ERCC4: variants seen among roughly 807,000 people sequenced by gnomAD.
ERCC4 encodes the protein ERCC excision repair 4, endonuclease catalytic subunit.
A neutral mutation model predicts 76.9 loss-of-function variants in ERCC4; 65 were observed. That is an observed-to-expected ratio of 0.84 (90% confidence interval 0.69 to 1.04). The LOEUF is 1.04. Among genes scored for constraint, ERCC4 ranks in the 50% least tolerant of loss-of-function variants. The probability of loss-of-function intolerance (pLI) is 0.00; values close to 1 mark genes in which losing one functional copy is unlikely to be tolerated. For synonymous variants in ERCC4, 463 were observed against 410.1 expected, an observed-to-expected ratio of 1.13 and a Z score of -1.56; for missense variants, 1,214 against 1,128.2, an observed-to-expected ratio of 1.08 and a Z score of -1.09.
In ERCC4 at chr16:13,947,892, C is replaced by G; in HGVS notation, c.2296C>G (p.Pro766Ala). 1.2e-6 allele frequency: 2 copies of G among 1,614,126 alleles called. No homozygotes were observed. Among genetic ancestry groups the G allele is most frequent in the Non-Finnish European group, 1.7e-6 (2 of 1,180,022 alleles). The change falls in exon 11 of 11, where the codon CCT (proline) becomes GCT (alanine). Residue 766 changes from proline (P) to alanine (A), a missense_variant. Transcript: ENST00000311895. ...TCTGATTGAGTTTGACCCTAGCAAG[C>G]CTTTCTCTCTCACTTCCCGAGGTGC... Reference protein sequence around the residue: ...VLLIEFDPSKPFSLTSRGALF... With the variant: ...VLLIEFDPSKAFSLTSRGALF...
At chr16:13,938,520 A>G (rs1338088090) in intron 9 of ERCC4, among the ~76,000 whole-genome samples, 1 of 152,204 alleles carries the variant, frequency 6.6e-6, no homozygotes. Context: ...CCTACCAGGG[A>G]TATTGTCAAG....
At position 13,920,247 on chromosome 16, in the gene ERCC4, G is replaced by C. The variant is rs1188439403; in HGVS notation, c.82G>C (p.Asp28His). Reference sequence around the variant, plus strand: ...GCGACAGCTGGTGCTGGAACTGCTCGACACTGACGGGCTAGTAGTGTGCGC... The same window carrying C: ...GCGACAGCTGGTGCTGGAACTGCTCCACACTGACGGGCTAGTAGTGTGCGC... ...YERQLVLELLDTDGLVVCARG... is the reference protein window; with the variant it reads ...YERQLVLELLHTDGLVVCARG... The change falls in exon 1 of 11, where the codon GAC becomes CAC. Residue 28 changes from aspartate (D) to histidine (H), a missense_variant. Asp to His is a moderately conservative substitution (Grantham distance 81). Coordinates refer to ENST00000311895, the MANE Select transcript of ERCC4 (RefSeq NM_005236.3). 5 of 1,607,690 alleles carry C rather than the reference G, an allele frequency of 3.1e-6. No individual in the cohort carries two copies. The highest frequency in any genetic ancestry group is 2.2e-5 in the East Asian group (1 of 44,884).
At chr16:13,937,036 A>G (rs1365506446) in intron 8 of ERCC4, among the ~76,000 whole-genome samples, 1 of 150,738 alleles carries the variant, frequency 6.6e-6, no homozygotes, top group Non-Finnish European at 1.5e-5. Context: ...ATTCTCCCAC[A>G]TCAGCCCCAA....
intron 8 of ERCC4, among the ~76,000 whole-genome samples, chr16:13,936,628 TACTC>T (rs1488617782): frequency 6.6e-6 from 1 of 152,264 alleles, no homozygotes; most frequent in African/African-American, 2.4e-5. Context: ...TTCAACCACT[TACTC>T]TATCAACGGG....
chr16:13,937,264 G>A (rs1193993584), intron 8 of ERCC4, among the ~76,000 whole-genome samples: 1 of 151,954 alleles, frequency 6.6e-6, no homozygotes, highest in African/African-American at 2.4e-5. Flanking sequence ...TATTCTTTGA[G>A]ATGCCTGATG....
intron 2 of ERCC4, among the ~76,000 whole-genome samples, chr16:13,924,146 C>T (rs893501426): frequency 2.0e-5 from 3 of 152,118 alleles, no homozygotes; most frequent in African/African-American, 7.2e-5. Flanking sequence ...CTGGGATCAT[C>T]CCCCAGGACT....
chr16:13,926,419 TTTATCTC>T, intron 2 of ERCC4, 135 bp from the exon 3 acceptor site: 1 of 741,896 alleles, frequency 1.3e-6, no homozygotes, highest in Non-Finnish European at 2.4e-6. Flanking sequence ...AGGACAGGGA[TTTATCTC>T]TGTTCTGTGC....
chr16:13,935,306 T>G lies in ERCC4; in HGVS notation c.1374T>G (p.Ser458Arg). The G allele has an allele frequency of 6.2e-7, 1 of 1,613,890 alleles. No homozygotes were observed. Among genetic ancestry groups the G allele is most frequent in the South Asian group, 1.1e-5 (1 of 91,072 alleles). The change falls in exon 8 of 11, where the codon AGT becomes AGG. Residue 458 changes from serine to arginine, a missense_variant. Ser to Arg is a moderately radical substitution (Grantham distance 110). Coordinates refer to ENST00000311895, the MANE Select transcript of ERCC4 (RefSeq NM_005236.3). ...EVWMKFRKED[S>R]SKRIRKSHKR... Reference sequence around the variant, plus strand: ...GGATGAAATTTAGGAAGGAAGACAGTTCAAAGAGAATTAGGAAATCTCACA... The same window carrying G: ...GGATGAAATTTAGGAAGGAAGACAGGTCAAAGAGAATTAGGAAATCTCACA...
chr16:13,934,120 T>C (rs559182465), intron 6 of ERCC4, 72 bp from the exon 7 acceptor site: 4 of 978,384 alleles, frequency 4.1e-6, no homozygotes, highest in Non-Finnish European at 6.4e-6. Flanking sequence ...TTATCTGTTG[T>C]TTTAAAAGCC....
chr16:13,922,434 T>C, intron 2 of ERCC4: 1 of 760,014 alleles, frequency 1.3e-6, no homozygotes, highest in Admixed American at 1.7e-5. Flanking sequence ...TCCTGACTAC[T>C]TTGTTGTGAA....
In ERCC4 at chr16:13,947,718, C is replaced by T. The variant is rs753161715; in HGVS notation, c.2122C>T (p.Pro708Ser). 1.2e-6 allele frequency: 2 copies of T among 1,614,236 alleles called. No individual in the cohort carries two copies. The highest frequency in any genetic ancestry group is 4.5e-5 in the East Asian group (2 of 44,882). Residue 708 changes from proline to serine, a missense_variant, in exon 11 of 11, where the codon CCC becomes TCC. Transcript: ENST00000311895. ...LIHRRGIDIE[P>S]VTLEVGDYIL... is the part of the protein sequence containing the mutation. ...CCATCGTCGGGGCATTGACATTGAA[C>T]CCGTGACTTTAGAGGTTGGAGATTA...
Position 13,926,630 on chromosome 16 carries a change from G to C in ERCC4, c.458G>C (p.Arg153Pro), listed in dbSNP as rs121913050. 1.2e-6 allele frequency: 2 copies of C among 1,613,896 alleles called. No homozygotes were observed. Among genetic ancestry groups the C allele is most frequent in the East Asian group, 2.2e-5 (1 of 44,878 alleles). ...GAAGCATTCATCTTGCGCCTCTTTCGCCAGAAAAACAAACGTGGTTTTATT... is the reference window on the plus strand; with the variant it reads ...GAAGCATTCATCTTGCGCCTCTTTCCCCAGAAAAACAAACGTGGTTTTATT... ...CQEAFILRLF[R>P]QKNKRGFIKA... The change falls in exon 3 of 11, where the codon CGC becomes CCC. Residue 153 changes from arginine (R) to proline (P), a missense_variant. By Grantham distance (103) the Arg-to-Pro change is moderately radical (BLOSUM62 -2). Transcript: ENST00000311895.
chr16:13,947,698 G>T lies in ERCC4; in HGVS notation c.2102G>T (p.Arg701Leu). 4 of 1,614,196 alleles carry T rather than the reference G, an allele frequency of 2.5e-6. No individual in the cohort carries two copies. The highest frequency in any genetic ancestry group is 3.4e-6 in the Non-Finnish European group (4 of 1,180,038). ...FRSELPSLIH[R>L]RGIDIEPVTL... ...AGTGAGCTTCCATCTCTGATCCATC[G>T]TCGGGGCATTGACATTGAACCCGTG... The change falls in exon 11 of 11, where the codon CGT becomes CTT. Residue 701 changes from arginine (R) to leucine (L), a missense_variant. Coordinates refer to ENST00000311895, the MANE Select transcript of ERCC4 (RefSeq NM_005236.3).
At chr16:13,929,704 G>A (rs3136106) in intron 4 of ERCC4, among the ~76,000 whole-genome samples, 2,295 of 152,280 alleles carry the variant, frequency 0.015, 34 homozygotes, top group Non-Finnish European at 0.019. Context: ...GGTGGCTCAC[G>A]CCTGTAATCC....
chr16:13,926,444 T>C, intron 2 of ERCC4, 117 bp from the exon 3 acceptor site: 1 of 858,542 alleles, frequency 1.2e-6, no homozygotes, highest in South Asian at 1.3e-5. Flanking sequence ...TGCGTGGCTA[T>C]ATGCCCAGTC....
chr16:13,929,460 C>T lies in ERCC4; in HGVS notation c.792+1225C>T, dbSNP rs1050901217. ...CAGTCATCCAGATACTTCTCCTGCT[C>T]ATTATTAAATTTGTTAGATAAGATT... On this transcript the variant is annotated intron_variant, in intron 4 of 10. Transcript: ENST00000311895. 5.3e-5 allele frequency among the ~76,000 whole-genome samples: 8 copies of T among 152,280 alleles called. No homozygotes were observed. In the East Asian group the frequency reaches 1.2e-3, roughly 22 times the overall value.
chr16:13,935,925 C>T (rs1199083715), intron 8 of ERCC4, among the ~76,000 whole-genome samples, 182 bp downstream of exon 8: 1 of 152,178 alleles, frequency 6.6e-6, no homozygotes, highest in African/African-American at 2.4e-5. Context: ...AGTATCACAG[C>T]AGAACAACAA....
chr16:13,946,247 T>C (rs2032510561), intron 10 of ERCC4, among the ~76,000 whole-genome samples: 2 of 152,226 alleles, frequency 1.3e-5, no homozygotes, highest in Non-Finnish European at 2.9e-5. Flanking sequence ...AGATACATTC[T>C]GAGAAATGTG....
chr16:13,926,328 T>C (rs1278401953), intron 2 of ERCC4, among the ~76,000 whole-genome samples: 2 of 152,256 alleles, frequency 1.3e-5, no homozygotes, highest in South Asian at 2.1e-4. Flanking sequence ...CTCTCCTCCT[T>C]CTCTGATTCA....
Sources: allele counts gnomAD v4.1 joint callset (sites outside exome capture counted in the v4.1 genomes callset), GRCh38; gene constraint gnomAD v4.1.1; transcripts MANE v1.5; gene names NCBI Gene and HGNC (gene_info 2026-07-23, HGNC 2026-07-21).